UGGT2: variants seen among roughly 807,000 people sequenced by gnomAD.
UGGT2 encodes UDP-glucose:glycoprotein glucosyltransferase 2.
UGGT2 carries 180 observed loss-of-function variants against 192.1 expected under a neutral mutation model. That is an observed-to-expected ratio of 0.94 (90% CI 0.83 to 1.06). The LOEUF is 1.06. Ranked by LOEUF, UGGT2 falls within the 50% of genes least tolerant of loss-of-function variation. The probability of loss-of-function intolerance (pLI) is 0.00; values close to 1 mark genes in which losing one functional copy is unlikely to be tolerated. For synonymous variants in UGGT2, 580 were observed against 591.0 expected (o/e 0.98, Z 0.27); for missense variants, 1,849 against 1,795.7 (o/e 1.03, Z -0.54).
intron 22 of UGGT2, 146 bp from the exon 23 acceptor site, chr13:95,895,450 C>T: frequency 2.2e-6 from 1 of 446,516 alleles, no homozygotes; most frequent in Non-Finnish European, 3.7e-6. Flanking sequence ...CTGCCATTTA[C>T]TAAATACGCT....
chr13:95,871,789 G>C (rs1206667841), intron 29 of UGGT2, among the ~76,000 whole-genome samples: 1 of 152,194 alleles, frequency 6.6e-6, no homozygotes, highest in African/African-American at 2.4e-5. Flanking sequence ...CAGGAGGTAT[G>C]AGGAGACCAC....
At chr13:95,808,116 CTTT>C (rs1884410409) in intron 38 of UGGT2, among the ~76,000 whole-genome samples, 1 of 152,048 alleles carries the variant, frequency 6.6e-6, no homozygotes, top group South Asian at 2.1e-4. Flanking sequence ...ATCAAAAGAA[CTTT>C]AAAAGGCAGT....
intron 1 of UGGT2, among the ~76,000 whole-genome samples, chr13:96,051,062 G>A (rs1311649745): frequency 6.6e-6 from 1 of 152,176 alleles, no homozygotes; most frequent in Non-Finnish European, 1.5e-5. Flanking sequence ...ATTCACAATA[G>A]CAAAGACTTG....
chr13:95,871,519 T>G (rs1007785798), intron 29 of UGGT2, among the ~76,000 whole-genome samples: 1 of 152,264 alleles, frequency 6.6e-6, no homozygotes. Context: ...CAACACATAT[T>G]CTGAAGTTGG....
At chr13:95,819,691 T>A (rs537951131) in intron 38 of UGGT2, among the ~76,000 whole-genome samples, 18 of 152,246 alleles carry the variant, frequency 1.2e-4, no homozygotes, top group African/African-American at 4.3e-4. Flanking sequence ...TTGATCTCAA[T>A]ACAATAACAA....
intron 10 of UGGT2, among the ~76,000 whole-genome samples, chr13:95,977,712 A>AAATCATTCTACCATAAAGACAAATGCAC (rs2050982362): frequency 6.6e-6 from 1 of 152,360 alleles, no homozygotes; most frequent in South Asian, 2.1e-4. Context: ...AAAGGATTAT[A>AAATCATTCTACCATAAAGACAAATGCAC]AATCATTCTA....
At chr13:95,930,698 G>A (rs561713739) in intron 17 of UGGT2, among the ~76,000 whole-genome samples, 20 of 152,228 alleles carry the variant, frequency 1.3e-4, no homozygotes, top group South Asian at 1.0e-3. Context: ...TACTGTGTCC[G>A]GAATTGGTGG....
At chr13:96,005,035 T>C (rs1220889560) in intron 5 of UGGT2, among the ~76,000 whole-genome samples, 2 of 152,100 alleles carry the variant, frequency 1.3e-5, no homozygotes, top group Non-Finnish European at 2.9e-5. Flanking sequence ...GAAAACAAAA[T>C]AATCTTCAAC....
intron 1 of UGGT2, among the ~76,000 whole-genome samples, chr13:96,049,364 C>G (rs888301249): frequency 6.6e-6 from 1 of 152,138 alleles, no homozygotes; most frequent in Non-Finnish European, 1.5e-5. Context: ...AAATCTGCAG[C>G]CAATATCATA....
At chr13:95,923,746 ATTGT>A (rs1488912510) in intron 20 of UGGT2, among the ~76,000 whole-genome samples, 11 of 152,224 alleles carry the variant, frequency 7.2e-5, no homozygotes, top group Non-Finnish European at 2.9e-5. Context: ...TTGACACAAC[ATTGT>A]TTAACATTAT....
At chr13:96,053,038 G>C (rs998078300) in intron 1 of UGGT2, 117 bp downstream of exon 1, 20 of 1,322,908 alleles carry the variant, frequency 1.5e-5, no homozygotes, top group East Asian at 3.0e-5. Context: ...GGGCCAGAGC[G>C]GGGGCGTCTG....
intron 20 of UGGT2, among the ~76,000 whole-genome samples, chr13:95,910,101 T>C (rs2048439079): frequency 6.6e-6 from 1 of 152,002 alleles, no homozygotes; most frequent in African/African-American, 2.4e-5. Context: ...GCACTAAACA[T>C]GGAAAGGAAC....
intron 38 of UGGT2, among the ~76,000 whole-genome samples, chr13:95,802,054 G>A (rs1279403029): frequency 6.6e-6 from 1 of 152,112 alleles, no homozygotes. Context: ...ATGAGTCTAT[G>A]AGGACAAGGA....
chr13:95,842,761 A>G (rs1005990020), intron 36 of UGGT2, among the ~76,000 whole-genome samples: 1 of 152,216 alleles, frequency 6.6e-6, no homozygotes, highest in Admixed American at 6.5e-5. Flanking sequence ...GCCTATAGCC[A>G]CATCCAGCAA....
At chr13:95,967,754 G>A (rs746119643) in intron 12 of UGGT2, among the ~76,000 whole-genome samples, 86 of 152,306 alleles carry the variant, frequency 5.6e-4, no homozygotes, top group Non-Finnish European at 1.0e-3. Flanking sequence ...TTACAGGCAT[G>A]AGACACTGTG....
intron 38 of UGGT2, among the ~76,000 whole-genome samples, chr13:95,829,948 C>T (rs1886479168): frequency 6.6e-6 from 1 of 152,126 alleles, no homozygotes; most frequent in Non-Finnish European, 1.5e-5. Context: ...ACCAATGGAA[C>T]AGAACAGAGC....
At chr13:95,851,534 G>A (rs1330510058) in intron 36 of UGGT2, among the ~76,000 whole-genome samples, 5 of 152,162 alleles carry the variant, frequency 3.3e-5, no homozygotes. Context: ...GGATGTCAAA[G>A]AAGAACCAGC....
chr13:95,865,964 TC>T (rs1890617613), intron 30 of UGGT2, among the ~76,000 whole-genome samples: 1 of 152,172 alleles, frequency 6.6e-6, no homozygotes, highest in Non-Finnish European at 1.5e-5. Flanking sequence ...CCGTCCAAGG[TC>T]ACACAGCTAG....
At chr13:95,900,655 T>G in intron 22 of UGGT2, 152 bp downstream of exon 22, 1 of 695,422 alleles carries the variant, frequency 1.4e-6, no homozygotes, top group Non-Finnish European at 2.1e-6. Flanking sequence ...ATGACCCCAT[T>G]TTATTTATGC....
Sources: gnomAD v4.1 joint callset for allele counts (sites outside exome capture counted in the v4.1 genomes callset) on GRCh38, gnomAD v4.1.1 for gene constraint, MANE v1.5 for transcripts, NCBI Gene and HGNC (gene_info 2026-07-23, HGNC 2026-07-21) for gene names.